Variants in LRRC4C observed in about 807,000 individuals in gnomAD.
LRRC4C encodes leucine-rich repeat-containing protein 4C.
In LRRC4C, 5 loss-of-function variants were observed where a neutral mutation model predicts 33.6. The ratio of observed to expected loss-of-function variants is 0.15; its 90% CI spans 0.08 to 0.31. LRRC4C has a LOEUF of 0.31. Ranked by LOEUF, LRRC4C falls within the 10% of genes least tolerant of loss-of-function variation. LRRC4C has a pLI of 1.00. For synonymous variants in LRRC4C, 329 were observed against 302.0 expected (o/e 1.09, Z -0.93); for missense variants, 560 against 796.7 (o/e 0.70, Z 3.58).
intron 1 of LRRC4C, among the ~76,000 whole-genome samples, chr11:41,352,927 T>A (rs954863517): frequency 1.3e-5 from 2 of 151,984 alleles, no homozygotes; most frequent in Non-Finnish European, 1.5e-5. Flanking sequence ...CTTAGAAAGA[T>A]CTCAAATTAA....
At chr11:41,186,046 G>A (rs1945681213) in intron 1 of LRRC4C, among the ~76,000 whole-genome samples, 1 of 151,998 alleles carries the variant, frequency 6.6e-6, no homozygotes, top group East Asian at 1.9e-4. Context: ...TAGAAAAAAT[G>A]TCCAGCCTTG....
chr11:41,354,406 C>T (rs1952087297), intron 1 of LRRC4C, among the ~76,000 whole-genome samples: 1 of 152,050 alleles, frequency 6.6e-6, no homozygotes, highest in African/African-American at 2.4e-5. Context: ...ATTCCATGCT[C>T]ATGGATAGGA....
At chr11:40,651,324 A>T (rs1295862125) in intron 2 of LRRC4C, among the ~76,000 whole-genome samples, 1 of 152,092 alleles carries the variant, frequency 6.6e-6, no homozygotes, top group Non-Finnish European at 1.5e-5. Flanking sequence ...GTAAGAAAAC[A>T]TAGTAGAACT....
At chr11:40,312,342 A>C (rs1414256492) in intron 4 of LRRC4C, among the ~76,000 whole-genome samples, 1 of 152,148 alleles carries the variant, frequency 6.6e-6, no homozygotes, top group African/African-American at 2.4e-5. Context: ...TTTCCATTTG[A>C]ATGATCTTGA....
At chr11:41,105,905 A>G (rs991848959) in intron 1 of LRRC4C, among the ~76,000 whole-genome samples, 1 of 152,152 alleles carries the variant, frequency 6.6e-6, no homozygotes, top group African/African-American at 2.4e-5. Flanking sequence ...ATATAACAAT[A>G]ATACCAAGAT....
At chr11:40,486,796 C>T (rs966278325) in intron 3 of LRRC4C, among the ~76,000 whole-genome samples, 6 of 151,876 alleles carry the variant, frequency 4.0e-5, no homozygotes, top group Non-Finnish European at 7.4e-5. Context: ...AATGTTTGTA[C>T]ATTTTCATAA....
At chr11:40,504,092 T>A (rs576836230) in intron 3 of LRRC4C, among the ~76,000 whole-genome samples, 1 of 152,168 alleles carries the variant, frequency 6.6e-6, no homozygotes, top group Admixed American at 6.6e-5. Context: ...CAAGCACTTA[T>A]TATTTTCACC....
intron 1 of LRRC4C, among the ~76,000 whole-genome samples, chr11:41,352,872 A>T (rs1952029825): frequency 6.6e-6 from 1 of 152,114 alleles, no homozygotes; most frequent in Non-Finnish European, 1.5e-5. Context: ...TAGACAAACC[A>T]GTGTTAAGAG....
chr11:41,003,523 T>G (rs780158514), intron 1 of LRRC4C, among the ~76,000 whole-genome samples: 4 of 149,112 alleles, frequency 2.7e-5, no homozygotes, highest in Non-Finnish European at 6.0e-5. Context: ...CATTTGAGAT[T>G]ATGTCAACCG....
chr11:41,275,221 AC>A (rs1296554865), intron 1 of LRRC4C, among the ~76,000 whole-genome samples: 7 of 152,144 alleles, frequency 4.6e-5, no homozygotes, highest in South Asian at 2.1e-4. Context: ...AGCCAGATAA[AC>A]GTCTTTTACT....
At chr11:41,205,309 A>G (rs1946553764) in intron 1 of LRRC4C, among the ~76,000 whole-genome samples, 1 of 152,194 alleles carries the variant, frequency 6.6e-6, no homozygotes, top group Non-Finnish European at 1.5e-5. Context: ...GCATGAGTCA[A>G]TTTATATTTT....
intron 2 of LRRC4C, among the ~76,000 whole-genome samples, chr11:40,843,122 GC>G (rs1009084123): frequency 6.6e-6 from 1 of 152,036 alleles, no homozygotes; most frequent in African/African-American, 2.4e-5. Context: ...AGAACCACTT[GC>G]CTGGTGACGA....
intron 6 of LRRC4C, among the ~76,000 whole-genome samples, chr11:40,117,458 T>A (rs758512016): frequency 3.9e-4 from 60 of 152,322 alleles, no homozygotes; most frequent in Admixed American, 1.6e-3. Flanking sequence ...AAAATAGTTA[T>A]AACAGGACTA....
chr11:41,019,702 T>C (rs1251271070), intron 1 of LRRC4C, among the ~76,000 whole-genome samples: 1 of 152,196 alleles, frequency 6.6e-6, no homozygotes, highest in African/African-American at 2.4e-5. Flanking sequence ...GACTTTTTAA[T>C]AATTGCCATT....
intron 2 of LRRC4C, among the ~76,000 whole-genome samples, chr11:40,868,121 A>C (rs1954460268): frequency 6.6e-6 from 1 of 152,158 alleles, no homozygotes; most frequent in Non-Finnish European, 1.5e-5. Flanking sequence ...GAGCATTTGC[A>C]TCACAAGCTA....
rs555789257 is a variant in LRRC4C at position 40,515,527 on chromosome 11, C to T, written c.-270+132615G>A. ...CTACTCATGATACACATTTTTATCC[C>T]ATGGAGCAAGTTGATGTGATTGATC... On this transcript the variant is annotated intron_variant, in intron 3 of 6. Coordinates refer to ENST00000528697, the MANE Select transcript of LRRC4C (RefSeq NM_001258419.2). 2.6e-5 allele frequency among the ~76,000 whole-genome samples: 4 copies of T among 152,074 alleles called. No homozygotes were observed. The East Asian group carries it at 7.7e-4, about 29-fold the overall frequency.
Position 41,448,122 on chromosome 11 carries a change from G to GGTTTTTTT in LRRC4C, c.-496+11308_-496+11309insAAAAAAAC, listed in dbSNP as rs1554934483. On this transcript the variant is annotated intron_variant, in intron 1 of 6. Coordinates refer to ENST00000528697, the MANE Select transcript of LRRC4C (RefSeq NM_001258419.2). ...ACAAACGAGGCTGCTGCACACGTCT[G>GGTTTTTTT]TTTTTTTTTTTTTTTTTTTTGGAGC... 1.4e-3 allele frequency among the ~76,000 whole-genome samples: 64 copies of GGTTTTTTT among 46,894 alleles called. 2 individuals carry two copies. The highest frequency in any genetic ancestry group is 2.0e-3 in the South Asian group (3 of 1,486). The allele number at this position is 46,894 out of a possible 152,430, so 30.8% of individuals were successfully genotyped here.
intron 1 of LRRC4C, among the ~76,000 whole-genome samples, chr11:41,061,343 T>C (rs1267503752): frequency 1.3e-5 from 2 of 152,194 alleles, no homozygotes. Context: ...TGAGAAAATA[T>C]GTTAATAGAT....
chr11:40,504,482 A>G (rs1184455716), intron 3 of LRRC4C, among the ~76,000 whole-genome samples: 2 of 151,948 alleles, frequency 1.3e-5, no homozygotes, highest in Non-Finnish European at 2.9e-5. Flanking sequence ...CTGTCCTCCA[A>G]GTGGACAGAA....
Sources: gnomAD v4.1 joint callset for allele counts (sites outside exome capture counted in the v4.1 genomes callset) on GRCh38, gnomAD v4.1.1 for gene constraint, MANE v1.5 for transcripts, NCBI Gene and HGNC (gene_info 2026-07-23, HGNC 2026-07-21) for gene names.